RAB38: variants seen among roughly 807,000 people sequenced by gnomAD.
RAB38 encodes the protein RAB38, member RAS oncogene family, also known as ras-related protein Rab-38.
In RAB38, 15 loss-of-function variants were observed where a neutral mutation model predicts 18.4. That is an observed-to-expected ratio of 0.82 (90% confidence interval 0.55 to 1.26). RAB38 has a LOEUF of 1.26. RAB38 is among the 50% of genes most tolerant of loss of function. RAB38 has a pLI of 0.00. For missense variants in RAB38, 294 were observed against 267.4 expected, an observed-to-expected ratio of 1.10 and a Z score of -0.69; for synonymous variants, 101 against 104.4, an observed-to-expected ratio of 0.97 and a Z score of 0.20.
At chr11:87,948,560 G>A in the RAB38 span, among the ~76,000 whole-genome samples, 12 of 152,018 alleles carry the variant, frequency 7.9e-5, no homozygotes, top group East Asian at 1.7e-3. Context: ...ATTATTTTGA[G>A]ATACGTCCCA....
At chr11:88,024,508 C>T in the RAB38 span, among the ~76,000 whole-genome samples, 64 of 152,092 alleles carry the variant, frequency 4.2e-4, no homozygotes, top group Non-Finnish European at 7.9e-4. Context: ...AGGGCTACCA[C>T]GTGATCCAGC....
At chr11:87,975,980 A>G in the RAB38 span, among the ~76,000 whole-genome samples, 1 of 151,448 alleles carries the variant, frequency 6.6e-6, no homozygotes, top group Non-Finnish European at 1.5e-5. Flanking sequence ...AAATTAATCA[A>G]TTGTTTGAAA....
At chr11:87,976,644 T>A in the RAB38 span, among the ~76,000 whole-genome samples, 2 of 112,872 alleles carry the variant, frequency 1.8e-5, no homozygotes, top group South Asian at 2.7e-4. Context: ...TGATTTTATA[T>A]GATATATAAA....
At chr11:88,039,337 A>T in the RAB38 span, among the ~76,000 whole-genome samples, 17 of 151,514 alleles carry the variant, frequency 1.1e-4, no homozygotes, top group Non-Finnish European at 2.4e-4. Flanking sequence ...CTTGCCATTT[A>T]AAAAAAAACT....
the RAB38 span, among the ~76,000 whole-genome samples, chr11:88,033,889 G>A: frequency 5.3e-5 from 8 of 151,908 alleles, no homozygotes; most frequent in East Asian, 3.9e-4. Context: ...CACTATGCCC[G>A]GTTAATTTTT....
chr11:87,823,947 C>G, the RAB38 span, among the ~76,000 whole-genome samples: 4 of 152,136 alleles, frequency 2.6e-5, no homozygotes, highest in African/African-American at 7.2e-5. Flanking sequence ...AAGACACATT[C>G]AATTTCACAT....
At chr11:87,971,927 T>C in the RAB38 span, among the ~76,000 whole-genome samples, 6 of 151,962 alleles carry the variant, frequency 3.9e-5, no homozygotes, top group African/African-American at 1.4e-4. Flanking sequence ...AAAGCGTTTT[T>C]TTTTTTTTAA....
At chr11:87,815,176 C>T in the RAB38 span, 1 of 152,128 alleles carries the variant, frequency 6.6e-6, no homozygotes, top group Non-Finnish European at 1.5e-5. Flanking sequence ...GACAGGTCAG[C>T]CACTAAGATC....
At chr11:88,116,516 C>T (rs1385440455) in intron 2 of RAB38, among the ~76,000 whole-genome samples, 1 of 152,098 alleles carries the variant, frequency 6.6e-6, no homozygotes, top group Non-Finnish European at 1.5e-5. Flanking sequence ...AAAGGCTTCC[C>T]CAGAATCACA....
At chr11:87,977,966 A>G in the RAB38 span, among the ~76,000 whole-genome samples, 1 of 112,870 alleles carries the variant, frequency 8.9e-6, no homozygotes, top group African/African-American at 3.6e-5. Flanking sequence ...TATAAATAAG[A>G]TATATTATAT....
intron 2 of RAB38, among the ~76,000 whole-genome samples, chr11:88,148,861 T>C (rs1306034492): frequency 6.6e-6 from 1 of 152,160 alleles, no homozygotes; most frequent in Non-Finnish European, 1.5e-5. Flanking sequence ...GCAAAAATGG[T>C]TATTCTTTTA....
chr11:88,144,668 C>T (rs1942958417), intron 2 of RAB38, among the ~76,000 whole-genome samples: 1 of 152,164 alleles, frequency 6.6e-6, no homozygotes, highest in Non-Finnish European at 1.5e-5. Flanking sequence ...CGTAAGAAAG[C>T]TTCTTCCCAG....
chr11:88,095,163 C>T, the RAB38 span, among the ~76,000 whole-genome samples: 1 of 151,864 alleles, frequency 6.6e-6, no homozygotes, highest in South Asian at 2.1e-4. Context: ...ATTTCCCATC[C>T]TAAAACACAC....
the RAB38 span, among the ~76,000 whole-genome samples, chr11:87,825,480 C>T: frequency 6.6e-6 from 1 of 152,092 alleles, no homozygotes; most frequent in African/African-American, 2.4e-5. Flanking sequence ...CCTTTAAGCA[C>T]ACATAGCCCT....
At chr11:88,123,272 C>A (rs1942652542) in intron 2 of RAB38, among the ~76,000 whole-genome samples, 1 of 152,060 alleles carries the variant, frequency 6.6e-6, no homozygotes, top group Non-Finnish European at 1.5e-5. Flanking sequence ...GTTTCATTGC[C>A]CCATCCTGGT....
chr11:87,858,718 C>T, the RAB38 span, among the ~76,000 whole-genome samples: 1 of 151,528 alleles, frequency 6.6e-6, no homozygotes, highest in Non-Finnish European at 1.5e-5. Context: ...ATAAAGAAAA[C>T]AGGAAATGAT....
At chr11:88,051,014 G>A in the RAB38 span, among the ~76,000 whole-genome samples, 1 of 152,142 alleles carries the variant, frequency 6.6e-6, no homozygotes, top group African/African-American at 2.4e-5. Flanking sequence ...GTGCAGAGCT[G>A]GATCCTGTCT....
chr11:87,934,742 G>GA, the RAB38 span, among the ~76,000 whole-genome samples: 1 of 151,568 alleles, frequency 6.6e-6, no homozygotes, highest in South Asian at 2.1e-4. Flanking sequence ...GTCTGATCAG[G>GA]AAAAAAGAAA....
chr11:88,068,852 C>T, the RAB38 span, among the ~76,000 whole-genome samples: 2 of 152,232 alleles, frequency 1.3e-5, no homozygotes, highest in Admixed American at 1.3e-4. Context: ...GCTAAGTTCA[C>T]ATCAAGCTCT....
Sources: allele counts gnomAD v4.1 joint callset (sites outside exome capture counted in the v4.1 genomes callset), GRCh38; gene constraint gnomAD v4.1.1; transcripts MANE v1.5; gene names NCBI Gene and HGNC (gene_info 2026-07-23, HGNC 2026-07-21).